The following CALN1 variants were observed in gnomAD, a reference collection of about 807,000 sequenced individuals.
The protein encoded by CALN1 is calcium-binding protein 8.
CALN1 carries 17 observed loss-of-function variants against 30.6 expected under a neutral mutation model. That is an observed-to-expected ratio of 0.56 (90% CI 0.38 to 0.83). The LOEUF (loss-of-function observed/expected upper bound fraction) is 0.83, where lower values mean the gene tolerates loss of function less well. CALN1 is among the 40% of genes least tolerant of loss of function. The pLI, the probability that CALN1 is intolerant of heterozygous loss-of-function variation, is 0.00. For synonymous variants in CALN1, 156 were observed against 131.4 expected (o/e 1.19, Z -1.28); for missense variants, 291 against 354.9 (o/e 0.82, Z 1.45).
the CALN1 span, among the ~76,000 whole-genome samples, chr7:72,488,651 C>A: frequency 6.6e-6 from 1 of 152,136 alleles, no homozygotes; most frequent in African/African-American, 2.4e-5. Flanking sequence ...ACCCTGCCAG[C>A]TTCAGGAAGA....
intron 3 of CALN1, among the ~76,000 whole-genome samples, chr7:72,261,143 C>CA (rs372729514): frequency 1.2e-4 from 19 of 152,172 alleles, no homozygotes; most frequent in African/African-American, 3.4e-4. Flanking sequence ...CCCATCTCTA[C>CA]AAAAAATTAC....
intron 3 of CALN1, among the ~76,000 whole-genome samples, chr7:72,251,462 G>C (rs531452645): frequency 6.6e-6 from 1 of 152,052 alleles, no homozygotes; most frequent in South Asian, 2.1e-4. Flanking sequence ...GCAGTGGTGT[G>C]ATCATAGCTC....
chr7:72,459,520 G>A, the CALN1 span, among the ~76,000 whole-genome samples: 2 of 151,970 alleles, frequency 1.3e-5, no homozygotes, highest in African/African-American at 4.8e-5. Context: ...TAGCTACTCA[G>A]GAGGCTGAGG....
chr7:72,019,794 G>A (rs1162335520), intron 5 of CALN1, among the ~76,000 whole-genome samples: 1 of 152,160 alleles, frequency 6.6e-6, no homozygotes, highest in Non-Finnish European at 1.5e-5. Flanking sequence ...CCAACCCACA[G>A]AAACTAAGTG....
intron 1 of CALN1, among the ~76,000 whole-genome samples, chr7:72,435,265 A>AAAGGG (rs1340119933): frequency 1.3e-5 from 2 of 151,462 alleles, no homozygotes; most frequent in Non-Finnish European, 2.9e-5. Context: ...AAAAGAAAAG[A>AAAGGG]AAGGGAAGGG....
intron 4 of CALN1, among the ~76,000 whole-genome samples, chr7:72,100,354 T>G (rs1363393459): frequency 6.6e-6 from 1 of 152,070 alleles, no homozygotes; most frequent in East Asian, 1.9e-4. Flanking sequence ...GCTAATTTTT[T>G]CTGTTTTTGC....
the CALN1 span, among the ~76,000 whole-genome samples, chr7:72,471,642 G>A: frequency 3.3e-5 from 5 of 152,232 alleles, no homozygotes; most frequent in African/African-American, 7.2e-5. Context: ...GCCTTCAGCC[G>A]CAAGGGTGAT....
intron 2 of CALN1, among the ~76,000 whole-genome samples, chr7:72,353,043 G>A (rs767989860): frequency 6.6e-6 from 1 of 152,120 alleles, no homozygotes; most frequent in Non-Finnish European, 1.5e-5. Flanking sequence ...GACCCATGGA[G>A]ATATAAAAAA....
intron 2 of CALN1, among the ~76,000 whole-genome samples, chr7:72,395,024 T>C (rs1805826630): frequency 6.6e-6 from 1 of 152,216 alleles, no homozygotes; most frequent in Non-Finnish European, 1.5e-5. Context: ...TGCGTATGTG[T>C]GTCACCTGAT....
intron 2 of CALN1, among the ~76,000 whole-genome samples, chr7:72,335,236 C>T (rs141205784): frequency 2.0e-5 from 3 of 152,216 alleles, no homozygotes; most frequent in Non-Finnish European, 2.9e-5. Context: ...ATGAAAAACA[C>T]GTCCTGTTCT....
chr7:72,018,822 G>GA (rs1001018327), intron 5 of CALN1, among the ~76,000 whole-genome samples: 2 of 149,200 alleles, frequency 1.3e-5, no homozygotes, highest in African/African-American at 5.1e-5. Flanking sequence ...GAAAGCACTG[G>GA]AAAAAAATTA....
intron 3 of CALN1, among the ~76,000 whole-genome samples, chr7:72,252,945 A>G (rs984910266): frequency 2.0e-5 from 3 of 152,196 alleles, no homozygotes; most frequent in African/African-American, 7.2e-5. Context: ...AAATCAATGA[A>G]TATTATGCCT....
At chr7:72,406,955 C>T (rs200498490) in intron 1 of CALN1, among the ~76,000 whole-genome samples, 1 of 152,110 alleles carries the variant, frequency 6.6e-6, no homozygotes, top group Non-Finnish European at 1.5e-5. Flanking sequence ...CTACCCACTT[C>T]CTTTAGCACT....
At chr7:72,202,519 G>C (rs1002905674) in intron 3 of CALN1, among the ~76,000 whole-genome samples, 2 of 152,138 alleles carry the variant, frequency 1.3e-5, no homozygotes, top group African/African-American at 4.8e-5. Context: ...AACCATTGCT[G>C]GATCTGAGAA....
chr7:72,313,528 G>T (rs1385713220), intron 2 of CALN1, among the ~76,000 whole-genome samples: 1 of 152,090 alleles, frequency 6.6e-6, no homozygotes, highest in Non-Finnish European at 1.5e-5. Context: ...GAGTAGCTGG[G>T]ACTATCGGTG....
At chr7:72,089,032 C>T (rs1805675189) in intron 4 of CALN1, among the ~76,000 whole-genome samples, 1 of 151,790 alleles carries the variant, frequency 6.6e-6, no homozygotes, top group Non-Finnish European at 1.5e-5. Context: ...TGAGAGTAAG[C>T]ACTAAAGACA....
intron 1 of CALN1, among the ~76,000 whole-genome samples, chr7:72,404,191 CCCT>C (rs1806543817): frequency 6.6e-6 from 1 of 152,164 alleles, no homozygotes; most frequent in Non-Finnish European, 1.5e-5. Flanking sequence ...GTTAAGGCAC[CCCT>C]CGTCTCTGCC....
rs529353332 is a variant in CALN1 at position 71,930,933 on chromosome 7, C to T, written c.501+92724G>A. On this transcript the variant is annotated intron_variant, in intron 5 of 6. Transcript: ENST00000395275. ...TCTAATTTAGATGTCCCTTTTGGTACTTTTATAACACCGTACATGTTTCTA... is the reference window on the plus strand; with the variant it reads ...TCTAATTTAGATGTCCCTTTTGGTATTTTTATAACACCGTACATGTTTCTA... Among the ~76,000 whole-genome samples the T allele has an allele frequency of 2.0e-5, 3 of 152,284 alleles. No homozygotes were observed. In the South Asian group the frequency reaches 6.2e-4, roughly 32 times the overall value.
intron 3 of CALN1, among the ~76,000 whole-genome samples, chr7:72,107,404 C>G (rs547012469): frequency 6.6e-6 from 1 of 152,218 alleles, no homozygotes; most frequent in African/African-American, 2.4e-5. Context: ...ATAAGAGCAT[C>G]GTGAAAACTC....
Sources: gnomAD v4.1 joint callset for allele counts (sites outside exome capture counted in the v4.1 genomes callset) on GRCh38, gnomAD v4.1.1 for gene constraint, MANE v1.5 for transcripts, NCBI Gene and HGNC (gene_info 2026-07-23, HGNC 2026-07-21) for gene names.